Variants in ZSWIM4 observed in about 807,000 individuals in gnomAD.
ZSWIM4 encodes the protein zinc finger SWIM-type containing 4.
A neutral mutation model predicts 102.5 loss-of-function variants in ZSWIM4; 62 were observed. That is an observed-to-expected ratio of 0.60 (90% confidence interval 0.49 to 0.75). The LOEUF (loss-of-function observed/expected upper bound fraction) is 0.75. Ranked by LOEUF, ZSWIM4 falls within the 30% of genes least tolerant of loss-of-function variation. The pLI, the probability that ZSWIM4 is intolerant of heterozygous loss-of-function variation, is 0.00. For missense variants in ZSWIM4, 1,280 were observed against 1,529.6 expected (o/e 0.84, Z 2.72); for synonymous variants, 652 against 674.5 (o/e 0.97, Z 0.52).
rs752078090 is a variant in ZSWIM4, at chr19:13,805,023, A to T, written c.587A>T (p.Asn196Ile). ...LPISETLSQM[N>I]RDQLQKFVQY... ...ATCTCCGAGACGCTCTCCCAGATGA[A>T]CCGGGACCAGCTGCAGAAGTTCGTG... Residue 196 changes from asparagine to isoleucine, a missense_variant, in exon 3 of 14, where the codon AAC becomes ATC. Physicochemically the swap from Asn to Ile is moderately radical, Grantham distance 149. Coordinates refer to ENST00000590508, the MANE Select transcript of ZSWIM4 (RefSeq NM_001367834.3). 1 of 1,611,992 alleles carries T rather than the reference A, an allele frequency of 6.2e-7. No individual in the cohort carries two copies. Among genetic ancestry groups the T allele is most frequent in the African/African-American group, 1.3e-5 (1 of 75,018 alleles).
At position 13,799,734 on chromosome 19, in the gene ZSWIM4, C is replaced by A; in HGVS notation, c.168C>A (p.Phe56Leu). The A allele has an allele frequency of 6.2e-7, 1 of 1,614,044 alleles. No individual in the cohort carries two copies. Among genetic ancestry groups the A allele is most frequent in the South Asian group, 1.1e-5 (1 of 91,086 alleles). ...SWAFEQVEER[F>L]SRVPEPVQKR... ...CCTTCCTACAGGTGGAGGAGCGGTT[C>A]TCCCGGGTGCCTGAGCCCGTCCAGA... Residue 56 changes from phenylalanine (F) to leucine (L), a missense_variant, in exon 2 of 14, where the codon TTC (phenylalanine) becomes TTA (leucine). Physicochemically the swap from Phe to Leu is conservative, Grantham distance 22 (BLOSUM62 0). Transcript: ENST00000590508.
chr19:13,800,026 C>A (rs1437449689), intron 2 of ZSWIM4, 105 bp downstream of exon 2: 22 of 1,088,252 alleles, frequency 2.0e-5, no homozygotes, highest in Non-Finnish European at 3.9e-6. Flanking sequence ...TGGGAGGTTA[C>A]AGACCTCAGG....
chr19:13,804,539 T>C lies in ZSWIM4; in HGVS notation c.356-253T>C, dbSNP rs113297077. On this transcript the variant is annotated intron_variant, in intron 2 of 13. Transcript: ENST00000590508. ...GTGTGTGCCTGTAATCCCAGTTACT[T>C]GGGAGGCTGAAGCAGGAGAATCGCT... Among the ~76,000 whole-genome samples, 1,275 of 151,450 alleles carry C rather than the reference T, an allele frequency of 8.4e-3. 16 individuals carry two copies. Among genetic ancestry groups the C allele is most frequent in the African/African-American group, 0.03 (1,226 of 41,310 alleles).
In ZSWIM4 at chr19:13,795,635, C is replaced by A; in HGVS notation, c.-14C>A. ...AAAGAGGCCCCGCCCCGGCCCTGGC[C>A]CCGGCCGGGCCGGATGGAACCCCCC... On this transcript the variant is annotated 5_prime_UTR_variant, in exon 1 of 14. Transcript: ENST00000590508. 1.9e-6 allele frequency: 1 copy of A among 524,888 alleles called. No homozygotes were observed. The highest frequency in any genetic ancestry group is 8.7e-5 in the South Asian group (1 of 11,444). The allele number at this position is 524,888 out of a possible 1,614,324, so 32.5% of individuals were successfully genotyped here.
intron 5 of ZSWIM4, among the ~76,000 whole-genome samples, chr19:13,811,947 C>T (rs549995568): frequency 3.4e-4 from 51 of 151,848 alleles, no homozygotes; most frequent in African/African-American, 1.0e-3. Flanking sequence ...TTGTGGCGGA[C>T]GCCTGTAATC....
chr19:13,830,206 T>C lies in ZSWIM4; in HGVS notation c.2477T>C (p.Met826Thr). ...CTCCCACCAGGCCCGCAAGCCCTGA[T>C]GAATATCATGCAGAACTGGTATTCC... ...CATEIGPQAL[M>T]NIMQNWYSLF... Residue 826 changes from methionine (M) to threonine (T), a missense_variant, in exon 14 of 14, where the codon ATG becomes ACG. Physicochemically the swap from Met to Thr is moderately conservative, Grantham distance 81 (BLOSUM62 -1). Coordinates refer to ENST00000590508, the MANE Select transcript of ZSWIM4 (RefSeq NM_001367834.3). The C allele has an allele frequency of 6.2e-7, 1 of 1,611,660 alleles. No homozygotes were observed. The highest frequency in any genetic ancestry group is 8.5e-7 in the Non-Finnish European group (1 of 1,178,612).
intron 7 of ZSWIM4, among the ~76,000 whole-genome samples, chr19:13,816,470 A>C (rs1975291462): frequency 6.6e-6 from 1 of 151,908 alleles, no homozygotes; most frequent in Non-Finnish European, 1.5e-5. Flanking sequence ...CTAAAAATCC[A>C]AAACAAATTA....
At chr19:13,826,625 C>T (rs755091566) in intron 12 of ZSWIM4, among the ~76,000 whole-genome samples, 5 of 152,052 alleles carry the variant, frequency 3.3e-5, no homozygotes, top group South Asian at 4.1e-4. Flanking sequence ...ATTAGCCAAG[C>T]GTGGTGGCAC....
chr19:13,797,155 C>A (rs192448410), intron 1 of ZSWIM4, among the ~76,000 whole-genome samples: 1 of 152,368 alleles, frequency 6.6e-6, no homozygotes, highest in East Asian at 1.9e-4. Flanking sequence ...CACAGAAGCT[C>A]ATGGAATCCC....
chr19:13,809,014 G>T lies in ZSWIM4; in HGVS notation c.861+30G>T. Reference sequence around the variant, plus strand: ...CGTGCGGGCCGGCGGGGCGCGGGGTGCAGAAGGCCCCGGCGGACGCCCCAG... The same window carrying T: ...CGTGCGGGCCGGCGGGGCGCGGGGTTCAGAAGGCCCCGGCGGACGCCCCAG... On this transcript the variant is annotated intron_variant, in intron 4 of 13. Transcript: ENST00000590508. This position sits in a 1 kb window ranked among gnomAD's most constrained non-coding sequence, Gnocchi z 4.2. 2 of 1,608,056 alleles carry T rather than the reference G, an allele frequency of 1.2e-6. No individual in the cohort carries two copies. The highest frequency in any genetic ancestry group is 1.7e-6 in the Non-Finnish European group (2 of 1,175,800).
In ZSWIM4 at chr19:13,809,874, T is replaced by C. The variant is rs8101288; in HGVS notation, c.1012+654T>C. On this transcript the variant is annotated intron_variant, in intron 5 of 13. Transcript: ENST00000590508. This position sits in a 1 kb window ranked among gnomAD's most constrained non-coding sequence, Gnocchi z 4.2. ...TGGCACAGTCACGGCTCACTGTAAC[T>C]TCAAACTCTTGGGCTCAAGTGATCC... is the stretch of plus-strand genomic sequence containing the variant. 0.018 allele frequency among the ~76,000 whole-genome samples: 2,774 copies of C among 152,188 alleles called. 81 individuals carry two copies. The highest frequency in any genetic ancestry group is 0.064 in the African/African-American group (2,646 of 41,528).
At chr19:13,808,361 G>A (rs1021357176) in intron 3 of ZSWIM4, among the ~76,000 whole-genome samples, 15 of 151,866 alleles carry the variant, frequency 9.9e-5, no homozygotes, top group Non-Finnish European at 1.2e-4. Context: ...ATAGATGGTC[G>A]GGTGGGATGG....
chr19:13,827,930 G>T (rs1301111737), intron 12 of ZSWIM4, among the ~76,000 whole-genome samples: 1 of 152,152 alleles, frequency 6.6e-6, no homozygotes, highest in Non-Finnish European at 1.5e-5. Context: ...TTTCAGGAGC[G>T]AAGGGACAGG....
chr19:13,819,279 A>C, intron 9 of ZSWIM4, 78 bp from the exon 10 acceptor site: 1 of 1,572,760 alleles, frequency 6.4e-7, no homozygotes, highest in Non-Finnish European at 8.6e-7. Flanking sequence ...CTCTACTTAA[A>C]GCCTGGGGTC....
At position 13,825,311 on chromosome 19, in the gene ZSWIM4, G is replaced by A. The variant is rs1016924027; in HGVS notation, c.2216-239G>A. On this transcript the variant is annotated intron_variant, in intron 11 of 13. Transcript: ENST00000590508. This position sits in a 1 kb window ranked among gnomAD's most constrained non-coding sequence, Gnocchi z 4.6. ...CAAAGTGCTGGGATTACAGGTGTGA[G>A]CCACTGCGCCCGGCCCCTAGGTGGC... Among the ~76,000 whole-genome samples the A allele has an allele frequency of 1.3e-5, 2 of 152,130 alleles. No individual in the cohort carries two copies. The highest frequency in any genetic ancestry group is 1.9e-4 in the East Asian group (1 of 5,196).
intron 2 of ZSWIM4, 127 bp downstream of exon 2, chr19:13,800,048 A>G (rs966724658): frequency 2.7e-6 from 2 of 736,200 alleles, no homozygotes; most frequent in Admixed American, 6.0e-5. Context: ...TTCGAGGCCC[A>G]GATAGGATTG....
Position 13,830,776 on chromosome 19 carries a change from G to A in ZSWIM4, c.3047G>A (p.Arg1016His). 5 of 1,604,950 alleles carry A rather than the reference G, an allele frequency of 3.1e-6. No individual in the cohort carries two copies. The South Asian group carries it at 4.4e-5, about 14-fold the overall frequency. ...CCCGGTCTGGGCCCCTTAGGGGCACGCCGGGCCGCCAAGCCACTGGGTGCC... is the reference window on the plus strand; with the variant it reads ...CCCGGTCTGGGCCCCTTAGGGGCACACCGGGCCGCCAAGCCACTGGGTGCC... ...SAPGLGPLGA[R>H]RAAKPLGADR... The change falls in exon 14 of 14, where the codon CGC becomes CAC. Residue 1016 changes from arginine to histidine, a missense_variant. Physicochemically the swap from Arg to His is conservative, Grantham distance 29 (BLOSUM62 0). Transcript: ENST00000590508.
At chr19:13,804,421 G>T (rs1974856032) in intron 2 of ZSWIM4, among the ~76,000 whole-genome samples, 1 of 151,824 alleles carries the variant, frequency 6.6e-6, no homozygotes, top group African/African-American at 2.4e-5. Flanking sequence ...GGTGAGCCGA[G>T]ATCACACCAT....
At chr19:13,808,750 A>G in intron 3 of ZSWIM4, 86 bp from the exon 4 acceptor site, 1 of 1,351,094 alleles carries the variant, frequency 7.4e-7, no homozygotes, top group Non-Finnish European at 9.7e-7. Context: ...CAAAAAAAAA[A>G]AAAAAAAAAA....
Sources: gnomAD v4.1 joint callset for allele counts (sites outside exome capture counted in the v4.1 genomes callset) on GRCh38, gnomAD v4.1.1 for gene constraint, Gnocchi (gnomAD v3.1) non-coding constraint, MANE v1.5 for transcripts, NCBI Gene and HGNC (gene_info 2026-07-23, HGNC 2026-07-21) for gene names.